Variants in PLCZ1 observed in about 807,000 individuals in gnomAD.
PLCZ1 encodes phospholipase C zeta 1.
PLCZ1 carries 64 observed loss-of-function variants against 76.8 expected under a neutral mutation model. That is an observed-to-expected ratio of 0.83 (90% CI 0.68 to 1.03). The LOEUF is 1.03. Among genes scored for constraint, PLCZ1 ranks in the 50% least tolerant of loss-of-function variants. PLCZ1 has a pLI of 0.00. For missense variants in PLCZ1, 751 were observed against 713.7 expected, an observed-to-expected ratio of 1.05 and a Z score of -0.60; for synonymous variants, 248 against 230.8, an observed-to-expected ratio of 1.07 and a Z score of -0.68.
chr12:18,671,391 G>A, the PLCZ1 span, among the ~76,000 whole-genome samples: 1 of 151,996 alleles, frequency 6.6e-6, no homozygotes, highest in Admixed American at 6.6e-5. Flanking sequence ...GTAGGAGAAA[G>A]AACACGAGAG....
intron 3 of PLCZ1, among the ~76,000 whole-genome samples, chr12:18,735,366 A>G (rs774767207): frequency 6.6e-5 from 10 of 152,118 alleles, no homozygotes; most frequent in Non-Finnish European, 1.3e-4. Context: ...TCACCTGTGA[A>G]GTCATTTGGT....
chr12:18,725,968 T>C (rs1024622367), intron 3 of PLCZ1, among the ~76,000 whole-genome samples: 3 of 152,084 alleles, frequency 2.0e-5, no homozygotes, highest in Non-Finnish European at 2.9e-5. Flanking sequence ...CCTTATTAGA[T>C]TGGAATGACA....
chr12:18,670,405 T>A, the PLCZ1 span, among the ~76,000 whole-genome samples: 9 of 152,102 alleles, frequency 5.9e-5, no homozygotes, highest in African/African-American at 2.2e-4. Context: ...TATTGTCTAG[T>A]TCAGCAACCT....
At chr12:18,696,040 G>C in intron 11 of PLCZ1, 110 bp downstream of exon 11, 1 of 614,614 alleles carries the variant, frequency 1.6e-6, no homozygotes, top group South Asian at 1.7e-5. Flanking sequence ...AAAGCCCCCG[G>C]GCTAAAAAAT....
At chr12:18,700,688 A>C (rs1291728136) in intron 9 of PLCZ1, among the ~76,000 whole-genome samples, 1 of 152,094 alleles carries the variant, frequency 6.6e-6, no homozygotes, top group Admixed American at 6.6e-5. Context: ...GTGAGACACT[A>C]TATCAAGTCA....
chr12:18,704,978 A>C (rs1956422908), intron 7 of PLCZ1, among the ~76,000 whole-genome samples, 188 bp downstream of exon 7: 1 of 152,164 alleles, frequency 6.6e-6, no homozygotes, highest in Non-Finnish European at 1.5e-5. Context: ...TATAAATTTT[A>C]ATCGAAATAT....
At chr12:18,670,563 A>T in the PLCZ1 span, among the ~76,000 whole-genome samples, 2 of 152,312 alleles carry the variant, frequency 1.3e-5, no homozygotes, top group South Asian at 4.1e-4. Context: ...GATTGATATG[A>T]GGGTTAACTT....
chr12:18,687,568 A>T (rs1325443452), intron 13 of PLCZ1, among the ~76,000 whole-genome samples: 1 of 152,138 alleles, frequency 6.6e-6, no homozygotes, highest in Non-Finnish European at 1.5e-5. Flanking sequence ...TACCAAAGTT[A>T]TTTCCCTTAA....
At chr12:18,726,209 C>T (rs1243791773) in intron 3 of PLCZ1, among the ~76,000 whole-genome samples, 1 of 152,090 alleles carries the variant, frequency 6.6e-6, no homozygotes, top group African/African-American at 2.4e-5. Context: ...ATGCATATCC[C>T]AGAAGATATG....
intron 6 of PLCZ1, among the ~76,000 whole-genome samples, chr12:18,707,391 A>C (rs1259880219): frequency 2.6e-5 from 4 of 152,116 alleles, no homozygotes; most frequent in South Asian, 2.1e-4. Flanking sequence ...GGATTCTTCC[A>C]TGAGGCCCTG....
intron 12 of PLCZ1, among the ~76,000 whole-genome samples, chr12:18,691,386 C>T (rs11831012): frequency 0.066 from 10,003 of 152,074 alleles, 367 homozygotes; most frequent in Non-Finnish European, 0.077. Flanking sequence ...TTTAGATTCC[C>T]AAAATCATGT....
chr12:18,699,653 T>C, intron 10 of PLCZ1, 141 bp downstream of exon 10: 1 of 891,942 alleles, frequency 1.1e-6, no homozygotes, highest in South Asian at 1.5e-5. Flanking sequence ...CTGAGGTATG[T>C]AACCCCATTC....
chr12:18,727,078 G>A (rs1329548839), intron 3 of PLCZ1, among the ~76,000 whole-genome samples: 1 of 152,072 alleles, frequency 6.6e-6, no homozygotes, highest in Non-Finnish European at 1.5e-5. Flanking sequence ...GAGCACAATG[G>A]CTCATGCCTG....
At chr12:18,677,578 A>C in the PLCZ1 span, among the ~76,000 whole-genome samples, 1 of 152,070 alleles carries the variant, frequency 6.6e-6, no homozygotes, top group Non-Finnish European at 1.5e-5. Context: ...GACCTAATGC[A>C]GTGCTTTAAG....
chr12:18,719,641 A>G lies in PLCZ1; in HGVS notation c.368-9T>C. ...TTGGTGTGCTTTCCTAACTAAAAAA[A>G]TAAAATAAAATAAGTTAAAAGGATG... On this transcript the variant is annotated splice_polypyrimidine_tract_variant and intron_variant, in intron 4 of 14. Coordinates refer to ENST00000266505, the MANE Select transcript of PLCZ1 (RefSeq NM_033123.4). The G allele has an allele frequency of 1.3e-6, 2 of 1,554,156 alleles. No homozygotes were observed. Among genetic ancestry groups the G allele is most frequent in the Non-Finnish European group, 8.8e-7 (1 of 1,140,956 alleles).
chr12:18,695,927 A>G (rs1370607746), intron 11 of PLCZ1, among the ~76,000 whole-genome samples: 1 of 151,988 alleles, frequency 6.6e-6, no homozygotes, highest in Non-Finnish European at 1.5e-5. Context: ...TCGTGAATTT[A>G]ACCACCATTC....
the PLCZ1 span, among the ~76,000 whole-genome samples, chr12:18,665,466 T>C: frequency 1.3e-5 from 2 of 152,344 alleles, no homozygotes; most frequent in Admixed American, 1.3e-4. Context: ...ATTTCTCTAT[T>C]TTGTCTGTAT....
Position 18,683,258 on chromosome 12 carries a change from TAAAC to T in PLCZ1, c.1804_1807del (p.Val602MetfsTer9), listed in dbSNP as rs985246320. ...TAGCTGTTATCTGACGTACCAAACA[TAAAC>T]AAACAGTGAAGCAGGCTCAAGGCTC... is the stretch of plus-strand genomic sequence containing the variant. On this transcript the variant is annotated frameshift_variant, in exon 15 of 15. Coordinates refer to ENST00000266505, the MANE Select transcript of PLCZ1 (RefSeq NM_033123.4). LOFTEE classifies it high-confidence loss of function. 62 of 1,612,386 alleles carry T rather than the reference TAAAC, an allele frequency of 3.8e-5. 2 individuals carry two copies. The highest frequency in any genetic ancestry group is 4.9e-5 in the Non-Finnish European group (58 of 1,178,990).
At chr12:18,711,431 G>A (rs956266940) in intron 6 of PLCZ1, among the ~76,000 whole-genome samples, 2 of 149,238 alleles carry the variant, frequency 1.3e-5, no homozygotes, top group Non-Finnish European at 3.0e-5. Context: ...TATACCTAAT[G>A]CTAAATGACG....
Sources: gnomAD v4.1 joint callset for allele counts (sites outside exome capture counted in the v4.1 genomes callset) on GRCh38, gnomAD v4.1.1 for gene constraint, MANE v1.5 for transcripts, NCBI Gene and HGNC (gene_info 2026-07-23, HGNC 2026-07-21) for gene names.